The following ABI1 variants were observed in gnomAD, a reference collection of about 807,000 sequenced individuals.
ABI1 encodes the protein Abelson interactor 1.
Under a neutral mutation model 54.6 loss-of-function variants are expected in ABI1, and 14 were observed. That is an observed-to-expected ratio of 0.26 (90% confidence interval 0.17 to 0.40). The LOEUF (loss-of-function observed/expected upper bound fraction) is 0.40, where lower values mean the gene tolerates loss of function less well. Among genes scored for constraint, ABI1 ranks in the 10% least tolerant of loss-of-function variants. The pLI is 1.00. For missense variants in ABI1, 443 were observed against 598.3 expected (o/e 0.74, Z 2.71); for synonymous variants, 194 against 209.3 (o/e 0.93, Z 0.63).
chr10:26,787,416 C>T (rs1842840199), intron 2 of ABI1, among the ~76,000 whole-genome samples: 2 of 152,056 alleles, frequency 1.3e-5, no homozygotes, highest in Admixed American at 6.5e-5. Context: ...TTTTTTCACC[C>T]TTCCTACTTC....
At chr10:26,808,702 G>A (rs999150600) in intron 2 of ABI1, among the ~76,000 whole-genome samples, 1 of 152,084 alleles carries the variant, frequency 6.6e-6, no homozygotes, top group Non-Finnish European at 1.5e-5. Context: ...CAGCCTGGGT[G>A]ACAAAATGAG....
rs575094311 is a variant in ABI1 at position 26,860,169 on chromosome 10, A to T, written c.117+578T>A. 1.3e-5 allele frequency among the ~76,000 whole-genome samples: 2 copies of T among 152,152 alleles called. No homozygotes were observed. Among genetic ancestry groups the T allele is most frequent in the South Asian group, 2.1e-4 (1 of 4,814 alleles). The stretch of plus-strand genomic sequence containing the variant: ...GTGACTCATGACAAATTTTTTTTAA[A>T]TAAATAAATAAATAAAAGACACACC... On this transcript the variant is annotated intron_variant, in intron 1 of 10. Transcript: ENST00000376140. The surrounding 1 kb of genome is among the most constrained non-coding windows in gnomAD (Gnocchi z 4.1).
chr10:26,791,593 G>A (rs1010013522), intron 2 of ABI1, among the ~76,000 whole-genome samples: 4 of 152,168 alleles, frequency 2.6e-5, no homozygotes, highest in African/African-American at 9.7e-5. Flanking sequence ...CTAGAAGGGA[G>A]GAGGGTAACT....
At chr10:26,838,698 G>A (rs1219763053) in intron 1 of ABI1, among the ~76,000 whole-genome samples, 2 of 152,160 alleles carry the variant, frequency 1.3e-5, no homozygotes, top group African/African-American at 4.8e-5. Flanking sequence ...CACAAAAAAG[G>A]AGACAAGGAT....
At chr10:26,794,054 C>T (rs896815460) in intron 2 of ABI1, among the ~76,000 whole-genome samples, 12 of 152,158 alleles carry the variant, frequency 7.9e-5, no homozygotes, top group African/African-American at 2.9e-4. Context: ...ACCAGCCTGG[C>T]CAACATGGTG....
intron 1 of ABI1, among the ~76,000 whole-genome samples, chr10:26,851,245 G>A (rs1024221604): frequency 1.2e-4 from 18 of 152,012 alleles, no homozygotes; most frequent in African/African-American, 4.1e-4. Context: ...GCCCAGGCTG[G>A]AGTGCAGTGG....
intron 2 of ABI1, among the ~76,000 whole-genome samples, chr10:26,810,157 T>G (rs988008899): frequency 1.3e-5 from 2 of 152,140 alleles, no homozygotes; most frequent in Non-Finnish European, 2.9e-5. Context: ...CCTTGTGTGG[T>G]CTGCACTAAC....
intron 1 of ABI1, among the ~76,000 whole-genome samples, chr10:26,823,997 C>A (rs978963368): frequency 3.3e-5 from 5 of 151,774 alleles, no homozygotes; most frequent in South Asian, 2.1e-4. Context: ...TAGCTACCTA[C>A]AACTTCAGGA....
In ABI1 at chr10:26,805,091, T is replaced by C. The variant is rs138950447; in HGVS notation, c.285+18047A>G. ...CTGAATTCCAGGTAAGACAAACACA[T>C]AATTGGAAAAACAAAGACGCACAAA... On this transcript the variant is annotated intron_variant, in intron 2 of 10. Transcript: ENST00000376140. 2.9e-3 allele frequency among the ~76,000 whole-genome samples: 436 copies of C among 152,140 alleles called. 4 individuals carry two copies. Among genetic ancestry groups the C allele is most frequent in the African/African-American group, 0.01 (423 of 41,494 alleles).
chr10:26,768,660 T>C (rs1840278727), intron 6 of ABI1, among the ~76,000 whole-genome samples, 192 bp downstream of exon 6: 1 of 151,990 alleles, frequency 6.6e-6, no homozygotes, highest in Non-Finnish European at 1.5e-5. Flanking sequence ...TTTAAAAAGT[T>C]AAAAAAACAA....
intron 2 of ABI1, among the ~76,000 whole-genome samples, chr10:26,819,923 G>C (rs965406710): frequency 5.9e-5 from 9 of 152,176 alleles, no homozygotes; most frequent in Non-Finnish European, 1.3e-4. Context: ...AAATAAGCTA[G>C]GCGCAGACAG....
chr10:26,852,676 A>G (rs1326321961), intron 1 of ABI1, among the ~76,000 whole-genome samples: 2 of 152,356 alleles, frequency 1.3e-5, no homozygotes, highest in Non-Finnish European at 2.9e-5. Context: ...TGTACCAAAT[A>G]CAATTTTGTC....
rs2132344288 is a variant in ABI1, at chr10:26,746,866, G to C, written c.*1704C>G. On this transcript the variant is annotated 3_prime_UTR_variant, in exon 11 of 11. Transcript: ENST00000376140. ...GTGAAGTCTGCATTGAAGTCCACAT[G>C]AGTTATATTTTAACAGTATCCAAAA... 3.0e-6 allele frequency: 1 copy of C among 332,632 alleles called. No individual in the cohort carries two copies. The highest frequency in any genetic ancestry group is 5.7e-6 in the Non-Finnish European group (1 of 176,690). 20.6% of individuals were successfully genotyped at this position (332,632 alleles called of 1,614,324 possible).
chr10:26,746,751 C>A lies in ABI1; in HGVS notation c.*1819G>T. The A allele has an allele frequency of 2.2e-6, 1 of 453,268 alleles. No homozygotes were observed. The highest frequency in any genetic ancestry group is 4.1e-6 in the Non-Finnish European group (1 of 244,836). The allele number at this position is 453,268 out of a possible 1,614,324, so 28.1% of individuals were successfully genotyped here. ...TGGTATTGTTTACACTGTTAATATC[C>A]ACATGTAAGGCCATTACACAAATAA... On this transcript the variant is annotated 3_prime_UTR_variant, in exon 11 of 11. Transcript: ENST00000376140.
At chr10:26,821,729 G>T (rs962863540) in intron 2 of ABI1, among the ~76,000 whole-genome samples, 1 of 151,152 alleles carries the variant, frequency 6.6e-6, no homozygotes, top group African/African-American at 2.4e-5. Flanking sequence ...GACCCAGGAG[G>T]CGAAGGATGC....
intron 2 of ABI1, among the ~76,000 whole-genome samples, chr10:26,818,816 C>A (rs1017754658): frequency 2.6e-5 from 4 of 151,826 alleles, no homozygotes; most frequent in Non-Finnish European, 5.9e-5. Flanking sequence ...ATGGTGAAAC[C>A]CTGTCTCTAC....
intron 1 of ABI1, among the ~76,000 whole-genome samples, 156 bp from the exon 2 acceptor site, chr10:26,823,461 A>G (rs1371804961): frequency 6.6e-6 from 1 of 152,206 alleles, no homozygotes; most frequent in Non-Finnish European, 1.5e-5. Context: ...TACTGAATTA[A>G]GCCATGGCAG....
intron 1 of ABI1, chr10:26,839,666 A>AAAAAAT (rs35759617): frequency 2.8e-5 from 18 of 632,336 alleles, no homozygotes; most frequent in South Asian, 2.4e-4. Context: ...AAAAAAAAAA[A>AAAAAAT]CATGCCAGGC....
intron 7 of ABI1, among the ~76,000 whole-genome samples, chr10:26,762,605 T>C (rs1839385184): frequency 6.6e-6 from 1 of 152,170 alleles, no homozygotes; most frequent in African/African-American, 2.4e-5. Flanking sequence ...TTAAAACATA[T>C]GAATACACAA....
Sources: gnomAD v4.1 joint callset for allele counts (sites outside exome capture counted in the v4.1 genomes callset) on GRCh38, gnomAD v4.1.1 for gene constraint, Gnocchi (gnomAD v3.1) non-coding constraint, MANE v1.5 for transcripts, NCBI Gene and HGNC (gene_info 2026-07-23, HGNC 2026-07-21) for gene names.